Variants in ATG2B observed in about 807,000 individuals in gnomAD.
The protein encoded by ATG2B is autophagy-related protein 2 homolog B.
Under a neutral mutation model 241.3 loss-of-function variants are expected in ATG2B, and 121 were observed. That is an observed-to-expected ratio of 0.50 (90% confidence interval 0.43 to 0.58). The LOEUF (loss-of-function observed/expected upper bound fraction) is 0.58, where lower values mean the gene tolerates loss of function less well. Ranked by LOEUF, ATG2B falls within the 20% of genes least tolerant of loss-of-function variation. The pLI is 0.00. For synonymous variants in ATG2B, 858 were observed against 876.6 expected (o/e 0.98, Z 0.37); for missense variants, 2,306 against 2,491.6 (o/e 0.93, Z 1.59).
rs556254301 is a variant in ATG2B, at chr14:96,284,643, G to A, written c.*1112C>T. On this transcript the variant is annotated 3_prime_UTR_variant, in exon 42 of 42. Coordinates refer to ENST00000359933, the MANE Select transcript of ATG2B (RefSeq NM_018036.7). Reference sequence around the variant, plus strand: ...GATTTACCTGATATTAACCAAAATCGATTTTGAGAAAGTGTTCCCAATTAT... The same window carrying A: ...GATTTACCTGATATTAACCAAAATCAATTTTGAGAAAGTGTTCCCAATTAT... 2.6e-5 allele frequency: 4 copies of A among 152,210 alleles called. No individual in the cohort carries two copies. The East Asian group carries it at 5.8e-4, about 22-fold the overall frequency. The allele number at this position is 152,210 out of a possible 1,614,324, so 9.4% of individuals were successfully genotyped here. A position where few individuals can be genotyped will look rare whatever the true frequency, so the allele number is the denominator to read the frequency against.
chr14:96,291,261 A>C (rs1487144520), intron 38 of ATG2B, among the ~76,000 whole-genome samples: 1 of 152,186 alleles, frequency 6.6e-6, no homozygotes, highest in East Asian at 1.9e-4. Flanking sequence ...TGAACATCTT[A>C]AGGCTTTGGC....
intron 6 of ATG2B, among the ~76,000 whole-genome samples, chr14:96,336,480 T>C (rs1887871882): frequency 6.6e-6 from 1 of 152,196 alleles, no homozygotes; most frequent in South Asian, 2.1e-4. Flanking sequence ...CACTACGCAG[T>C]TTTTCCACAT....
chr14:96,331,462 T>G lies in ATG2B; in HGVS notation c.1644A>C (p.Glu548Asp), dbSNP rs1185843657. ...TTGAAAATCTTGCTGGATCAATCTT[T>G]TCTATACAAGTAAAGAAAGCTACTG... ...PMAVAFFTCI[E>D]KIDPARFSTE... The change falls in exon 11 of 42, where the codon GAA (glutamate) becomes GAC (aspartate). Residue 548 changes from glutamate to aspartate, a missense_variant. This residue lies in a region of ATG2B where 1,927 missense variants were observed against 2,011.2 expected (regional missense o/e 0.96). Transcript: ENST00000359933. 6.2e-7 allele frequency: 1 copy of G among 1,614,116 alleles called. No individual in the cohort carries two copies. The highest frequency in any genetic ancestry group is 1.7e-5 in the Admixed American group (1 of 60,022).
chr14:96,311,139 C>G lies in ATG2B; in HGVS notation c.4139G>C (p.Gly1380Ala). 1 of 1,613,078 alleles carries G rather than the reference C, an allele frequency of 6.2e-7. No individual in the cohort carries two copies. Among genetic ancestry groups the G allele is most frequent in the South Asian group, 1.1e-5 (1 of 90,930 alleles). Residue 1380 changes from glycine (G) to alanine (A), a missense_variant, in exon 28 of 42, where the codon GGA becomes GCA. Coordinates refer to ENST00000359933, the MANE Select transcript of ATG2B (RefSeq NM_018036.7). ...QTPNKADMKP[G>A]AFQRRSKVDS... is the part of the protein sequence containing the mutation. Reference sequence around the variant, plus strand: ...TACCTTAGACCTTCTTTGAAAGGCTCCAGGCTTCATATCTGCCTTGTTAGG... The same window carrying G: ...TACCTTAGACCTTCTTTGAAAGGCTGCAGGCTTCATATCTGCCTTGTTAGG...
At chr14:96,287,204 A>C (rs1472166800) in intron 41 of ATG2B, among the ~76,000 whole-genome samples, 1 of 142,874 alleles carries the variant, frequency 7.0e-6, no homozygotes, top group Non-Finnish European at 1.5e-5. Context: ...CAGAGAGCCG[A>C]GATCATGCCA....
chr14:96,302,938 C>T lies in ATG2B; in HGVS notation c.5037+123G>A, dbSNP rs2275021. 4.9e-3 allele frequency: 3,733 copies of T among 759,922 alleles called. 125 individuals are homozygous for T. In the South Asian group the frequency reaches 0.061, roughly 13 times the overall value. 47.1% of individuals were successfully genotyped at this position (759,922 alleles called of 1,614,324 possible). On this transcript the variant is annotated intron_variant, in intron 33 of 41. Transcript: ENST00000359933. The stretch of plus-strand genomic sequence containing the variant: ...CTTTAAGCAATACATTCAAAAGGGA[C>T]TTTTCACATTAAAATGAGAAAAGAT...
At position 96,316,689 on chromosome 14, in the gene ATG2B, A is replaced by G. The variant is rs1480600383; in HGVS notation, c.3211-6T>C. The G allele has an allele frequency of 1.9e-6, 3 of 1,600,338 alleles. No individual in the cohort carries two copies. The highest frequency in any genetic ancestry group is 3.6e-5 in the Admixed American group (2 of 56,226). ...AACAGATCTCCATTATCTTGCTAGT[A>G]AAAAGATCAGAAAAACACAGAAGTT... On this transcript the variant is annotated splice_polypyrimidine_tract_variant and splice_region_variant and intron_variant, in intron 20 of 41. Coordinates refer to ENST00000359933, the MANE Select transcript of ATG2B (RefSeq NM_018036.7).
chr14:96,349,704 C>T (rs1198193206), intron 1 of ATG2B, among the ~76,000 whole-genome samples: 1 of 152,120 alleles, frequency 6.6e-6, no homozygotes, highest in African/African-American at 2.4e-5. Context: ...TACTGAGATA[C>T]AGAAACACAG....
intron 18 of ATG2B, 33 bp from the exon 19 acceptor site, chr14:96,317,888 AACTCCTAG>A: frequency 6.8e-7 from 1 of 1,469,102 alleles, no homozygotes; most frequent in Non-Finnish European, 9.2e-7. Flanking sequence ...ATAAGTACTT[AACTCCTAG>A]TTCAACAGAA....
At chr14:96,286,059 T>C (rs1886328938) in intron 41 of ATG2B, 74 bp from the exon 42 acceptor site, 1 of 1,145,924 alleles carries the variant, frequency 8.7e-7, no homozygotes. Flanking sequence ...TAAGCTATCC[T>C]GCAGTACACA....
In ATG2B at chr14:96,347,307, G is replaced by C. The variant is rs751047270; in HGVS notation, c.197C>G (p.Pro66Arg). The C allele has an allele frequency of 6.2e-7, 1 of 1,602,184 alleles. No individual in the cohort carries two copies. ...AATGAATCCTTCAGTGACTTCTAAG[G>C]GTGCATCTGCTGACTCCAAGATCTC... ...LNEILESADA[P>R]LEVTEGFIQS... The change falls in exon 2 of 42, where the codon CCC becomes CGC. Residue 66 changes from proline to arginine, a missense_variant. By Grantham distance (103) the Pro-to-Arg change is moderately radical (BLOSUM62 -2). This residue lies in a region of ATG2B where 1,927 missense variants were observed against 2,011.2 expected (regional missense o/e 0.96). Transcript: ENST00000359933.
chr14:96,347,643 T>G (rs1888205522), intron 1 of ATG2B, among the ~76,000 whole-genome samples: 1 of 152,064 alleles, frequency 6.6e-6, no homozygotes. Flanking sequence ...AGGAAAAAAA[T>G]CTAATAATCC....
chr14:96,290,957 A>C lies in ATG2B; in HGVS notation c.5580-22T>G, dbSNP rs760905510. 1 of 1,597,412 alleles carries C rather than the reference A, an allele frequency of 6.3e-7. No individual in the cohort carries two copies. Among genetic ancestry groups the C allele is most frequent in the Non-Finnish European group, 8.5e-7 (1 of 1,171,866 alleles). Reference sequence around the variant, plus strand: ...TAAACTAGAGCAAATGATTATTAGTATGTCAAAAGGAGAAATACATTTATA... The same window carrying C: ...TAAACTAGAGCAAATGATTATTAGTCTGTCAAAAGGAGAAATACATTTATA... On this transcript the variant is annotated intron_variant, in intron 38 of 41. Coordinates refer to ENST00000359933, the MANE Select transcript of ATG2B (RefSeq NM_018036.7). The surrounding 1 kb of genome is among the most constrained non-coding windows in gnomAD (Gnocchi z 4.4).
rs919969711 is a variant in ATG2B, at chr14:96,285,562, T to C, written c.*193A>G. The C allele has an allele frequency of 2.3e-5, 14 of 597,026 alleles. No individual in the cohort carries two copies. Among genetic ancestry groups the C allele is most frequent in the Admixed American group, 2.1e-4 (7 of 33,354 alleles). 37.0% of individuals were successfully genotyped at this position (597,026 alleles called of 1,614,324 possible). A position where few individuals can be genotyped will look rare whatever the true frequency, so the allele number is the denominator to read the frequency against. The stretch of plus-strand genomic sequence containing the variant: ...TGACACCAGCCACCAAACATTTCTA[T>C]AGGCAAGTATCAACTATAAATGTCA... On this transcript the variant is annotated 3_prime_UTR_variant, in exon 42 of 42. Coordinates refer to ENST00000359933, the MANE Select transcript of ATG2B (RefSeq NM_018036.7). The surrounding 1 kb of genome is among the most constrained non-coding windows in gnomAD (Gnocchi z 4.2).
chr14:96,330,487 G>A (rs1002524793), intron 11 of ATG2B, among the ~76,000 whole-genome samples: 1 of 152,038 alleles, frequency 6.6e-6, no homozygotes, highest in Admixed American at 6.5e-5. Context: ...CTAAAGGCTG[G>A]GCGTGGTGGC....
Position 96,308,274 on chromosome 14 carries a change from ATATATATATTT to A in ATG2B, c.4303+1168_4303+1178del, listed in dbSNP as rs1566719953. Among the ~76,000 whole-genome samples the A allele has an allele frequency of 7.6e-3, 196 of 25,842 alleles. 8 individuals are homozygous for A. The highest frequency in any genetic ancestry group is 0.012 in the Non-Finnish European group (174 of 14,588). 17.0% of individuals were successfully genotyped at this position (25,842 alleles called of 152,430 possible). A position where few individuals can be genotyped will look rare whatever the true frequency, so the allele number is the denominator to read the frequency against. ...TATACACACATATATATATATATAT[ATATATATATTT>A]TTTTTTTTTTTTTTTTTGAGACAGA... On this transcript the variant is annotated intron_variant, in intron 29 of 41. Coordinates refer to ENST00000359933, the MANE Select transcript of ATG2B (RefSeq NM_018036.7).
Position 96,334,569 on chromosome 14 carries a change from A to G in ATG2B, c.925-68T>C. The G allele has an allele frequency of 6.8e-6, 6 of 879,608 alleles. No individual in the cohort carries two copies. The South Asian group carries it at 7.0e-5, about 10-fold the overall frequency. 54.5% of individuals were successfully genotyped at this position (879,608 alleles called of 1,614,324 possible). A position where few individuals can be genotyped will look rare whatever the true frequency, so the allele number is the denominator to read the frequency against. ...TAACCTTATCACCATAAACGTCAGT[A>G]TATTTTAATGAACTGAGATGAATAC... On this transcript the variant is annotated intron_variant, in intron 6 of 41. Coordinates refer to ENST00000359933, the MANE Select transcript of ATG2B (RefSeq NM_018036.7).
Position 96,297,726 on chromosome 14 carries a change from A to C in ATG2B, c.5140-2166T>G, listed in dbSNP as rs192478375. ...ATCACTAGCTTTTTAAAATGTTCTC[A>C]AAATTTTTTGATTTTGGTATTTATG... On this transcript the variant is annotated intron_variant, in intron 34 of 41. Coordinates refer to ENST00000359933, the MANE Select transcript of ATG2B (RefSeq NM_018036.7). Among the ~76,000 whole-genome samples, 10 of 152,266 alleles carry C rather than the reference A, an allele frequency of 6.6e-5. No homozygotes were observed. In the East Asian group the frequency reaches 1.9e-3, roughly 29 times the overall value.
intron 1 of ATG2B, among the ~76,000 whole-genome samples, chr14:96,349,210 A>G (rs1888249488): frequency 6.6e-6 from 1 of 152,252 alleles, no homozygotes; most frequent in African/African-American, 2.4e-5. Flanking sequence ...AGCAGAAGTC[A>G]AAGAAATACA....
Sources: gnomAD v4.1 joint callset for allele counts (sites outside exome capture counted in the v4.1 genomes callset) on GRCh38, gnomAD v4.1.1 for gene constraint, gnomAD v4.1.1 regional missense constraint, Gnocchi (gnomAD v3.1) non-coding constraint, MANE v1.5 for transcripts, NCBI Gene and HGNC (gene_info 2026-07-23, HGNC 2026-07-21) for gene names.